CCDC146: variants seen among roughly 807,000 people sequenced by gnomAD.
CCDC146 encodes coiled-coil domain-containing protein 146.
In CCDC146, 92 loss-of-function variants were observed where a neutral mutation model predicts 119.3. That is an observed-to-expected ratio of 0.77 (90% CI 0.65 to 0.92). CCDC146 has a LOEUF of 0.92. Among genes scored for constraint, CCDC146 ranks in the 40% least tolerant of loss-of-function variants. The pLI is 0.00. For missense variants in CCDC146, 1,000 were observed against 1,103.0 expected, an observed-to-expected ratio of 0.91 and a Z score of 1.32; for synonymous variants, 372 against 371.8, an observed-to-expected ratio of 1.00 and a Z score of -0.01.
chr7:77,263,766 A>G (rs1793347904), intron 9 of CCDC146, among the ~76,000 whole-genome samples: 1 of 152,184 alleles, frequency 6.6e-6, no homozygotes, highest in Non-Finnish European at 1.5e-5. Flanking sequence ...TCTACTAAAA[A>G]TACAAAAATT....
intron 1 of CCDC146, among the ~76,000 whole-genome samples, chr7:77,133,782 A>G (rs1425137062): frequency 1.3e-5 from 2 of 151,592 alleles, no homozygotes; most frequent in African/African-American, 4.9e-5. Flanking sequence ...CCATCCTAAC[A>G]AATAAAAAGC....
At chr7:77,124,521 G>A (rs1790667021) in intron 1 of CCDC146, among the ~76,000 whole-genome samples, 1 of 152,170 alleles carries the variant, frequency 6.6e-6, no homozygotes, top group African/African-American at 2.4e-5. Context: ...GAAACATTAA[G>A]ATTAAGCAAT....
chr7:77,141,946 T>C (rs1790939037), intron 1 of CCDC146, among the ~76,000 whole-genome samples: 1 of 152,250 alleles, frequency 6.6e-6, no homozygotes, highest in Non-Finnish European at 1.5e-5. Context: ...ATTTTGGCTT[T>C]TGTTGCCATT....
intron 2 of CCDC146, among the ~76,000 whole-genome samples, chr7:77,169,151 T>G (rs973951705): frequency 6.6e-6 from 1 of 152,054 alleles, no homozygotes; most frequent in African/African-American, 2.4e-5. Context: ...AGAGGCCGGT[T>G]ATTTTGTGAT....
chr7:77,239,121 C>T (rs1373580088), intron 3 of CCDC146, among the ~76,000 whole-genome samples: 1 of 152,134 alleles, frequency 6.6e-6, no homozygotes, highest in Non-Finnish European at 1.5e-5. Context: ...AAAGTCTCTT[C>T]TACTGGTATC....
intron 2 of CCDC146, chr7:77,198,240 C>T (rs936153037): frequency 1.0e-6 from 1 of 985,282 alleles, no homozygotes. Flanking sequence ...GGCAGATGCC[C>T]TGGGGATGGA....
chr7:77,171,006 T>G (rs1343747541), intron 2 of CCDC146, among the ~76,000 whole-genome samples: 1 of 152,232 alleles, frequency 6.6e-6, no homozygotes, highest in East Asian at 1.9e-4. Context: ...ATATTTTAAG[T>G]GAAGAGTTCA....
chr7:77,179,917 G>A (rs1791556968), intron 2 of CCDC146, among the ~76,000 whole-genome samples: 4 of 151,990 alleles, frequency 2.6e-5, no homozygotes, highest in Admixed American at 2.6e-4. Flanking sequence ...TATACCTCCT[G>A]TAAGGAGAAT....
intron 1 of CCDC146, among the ~76,000 whole-genome samples, chr7:77,147,105 G>A (rs149820696): frequency 0.01 from 1,573 of 152,204 alleles, 28 homozygotes; most frequent in African/African-American, 0.035. Flanking sequence ...TACTTTGTTC[G>A]TTTCTTTTTA....
At chr7:77,144,820 C>G (rs1256478438) in intron 1 of CCDC146, among the ~76,000 whole-genome samples, 1 of 151,514 alleles carries the variant, frequency 6.6e-6, no homozygotes, top group African/African-American at 2.4e-5. Context: ...TCTGTTTGCC[C>G]GTATTTTATT....
chr7:77,216,301 G>A (rs1057090321), intron 2 of CCDC146, among the ~76,000 whole-genome samples: 1 of 151,974 alleles, frequency 6.6e-6, no homozygotes. Context: ...GATACTGTCC[G>A]CCCCCAGATG....
intron 2 of CCDC146, among the ~76,000 whole-genome samples, chr7:77,232,124 T>C (rs965933351): frequency 2.0e-5 from 3 of 152,236 alleles, no homozygotes; most frequent in Admixed American, 6.5e-5. Context: ...CTTGTTTTTT[T>C]GTTTTTAAAC....
intron 10 of CCDC146, 143 bp downstream of exon 10, chr7:77,273,932 C>T (rs1793576012): frequency 2.1e-6 from 1 of 486,572 alleles, no homozygotes; most frequent in Admixed American, 3.3e-5. Flanking sequence ...ATTTCTTCAT[C>T]TCAAAGTCCA....
intron 2 of CCDC146, among the ~76,000 whole-genome samples, chr7:77,171,541 C>T (rs1379280365): frequency 6.6e-6 from 1 of 152,194 alleles, no homozygotes; most frequent in Admixed American, 6.5e-5. Context: ...GACTTATCTG[C>T]GCTCCCCATC....
intron 4 of CCDC146, among the ~76,000 whole-genome samples, chr7:77,250,387 T>C (rs1281828530): frequency 1.3e-5 from 2 of 152,252 alleles, no homozygotes; most frequent in Non-Finnish European, 2.9e-5. Flanking sequence ...ACAAATGTCC[T>C]CAATTTTTAT....
chr7:77,199,549 A>G lies in CCDC146; in HGVS notation c.156+31725A>G, dbSNP rs372696601. 6 of 1,613,894 alleles carry G rather than the reference A, an allele frequency of 3.7e-6. No individual in the cohort carries two copies. The African/African-American group carries it at 6.7e-5, about 18-fold the overall frequency. ...ATTTACGATTTCCTTGAGGTTTTGGACTTCTTTGAACACCTCCTCGATCCT... is the reference window on the plus strand; with the variant it reads ...ATTTACGATTTCCTTGAGGTTTTGGGCTTCTTTGAACACCTCCTCGATCCT... On this transcript the variant is annotated intron_variant, in intron 2 of 18. Transcript: ENST00000285871.
At chr7:77,247,395 C>G (rs1417631435) in intron 4 of CCDC146, among the ~76,000 whole-genome samples, 1 of 152,200 alleles carries the variant, frequency 6.6e-6, no homozygotes, top group Non-Finnish European at 1.5e-5. Context: ...TAGCACACTA[C>G]TACCCCCTGG....
intron 2 of CCDC146, chr7:77,198,219 C>T (rs1194697143): frequency 5.1e-6 from 5 of 985,278 alleles, no homozygotes; most frequent in Non-Finnish European, 6.0e-6. Context: ...ATGACCCTTC[C>T]CTCCTTCACT....
At chr7:77,254,088 G>A (rs1793131350) in intron 4 of CCDC146, among the ~76,000 whole-genome samples, 1 of 152,188 alleles carries the variant, frequency 6.6e-6, no homozygotes, top group Admixed American at 6.5e-5. Flanking sequence ...ACTGTGGTAT[G>A]GGTGGAGAAT....
Sources: allele counts gnomAD v4.1 joint callset (sites outside exome capture counted in the v4.1 genomes callset), GRCh38; gene constraint gnomAD v4.1.1; transcripts MANE v1.5; gene names NCBI Gene and HGNC (gene_info 2026-07-23, HGNC 2026-07-21).